The following ANKFY1 variants were observed in gnomAD, a reference collection of about 807,000 sequenced individuals.
The protein encoded by ANKFY1 is ankyrin repeat and FYVE domain containing 1, also known as ankyrin repeat and FYVE domain-containing protein 1.
Under a neutral mutation model 128.3 loss-of-function variants are expected in ANKFY1, and 47 were observed. The observed-to-expected ratio is 0.37, with a 90% CI of 0.29 to 0.47. The LOEUF (loss-of-function observed/expected upper bound fraction) is 0.47. Ranked by LOEUF, ANKFY1 falls within the 20% of genes least tolerant of loss-of-function variation. ANKFY1 has a pLI of 1.00. For synonymous variants in ANKFY1, 553 were observed against 601.6 expected, an observed-to-expected ratio of 0.92 and a Z score of 1.18; for missense variants, 1,222 against 1,510.6, an observed-to-expected ratio of 0.81 and a Z score of 3.17.
At chr17:4,180,284 C>T (rs547246268) in intron 16 of ANKFY1, 5 of 172,182 alleles carry the variant, frequency 2.9e-5, no homozygotes, top group Middle Eastern at 2.6e-3. Flanking sequence ...AAAAATTAAC[C>T]GGGCGTGGTG....
In ANKFY1 at chr17:4,242,040, G is replaced by A. The variant is rs368393580; in HGVS notation, c.203+216C>T. 4.1e-5 allele frequency among the ~76,000 whole-genome samples: 6 copies of A among 146,402 alleles called. No homozygotes were observed. In the East Asian group the frequency reaches 1.2e-3, roughly 30 times the overall value. On this transcript the variant is annotated intron_variant, in intron 2 of 24. Coordinates refer to ENST00000341657, the MANE Select transcript of ANKFY1 (RefSeq NM_001330063.2). ...GGAAGCAGAGGCTGCAATGAGCCGTGATCTCACCACTGCACTCCAGCCTGG... is the reference window on the plus strand; with the variant it reads ...GGAAGCAGAGGCTGCAATGAGCCGTAATCTCACCACTGCACTCCAGCCTGG...
intron 3 of ANKFY1, among the ~76,000 whole-genome samples, chr17:4,233,011 A>G (rs1176258685): frequency 6.6e-6 from 1 of 152,172 alleles, no homozygotes; most frequent in Non-Finnish European, 1.5e-5. Context: ...GAAGAAAAAA[A>G]AAAAAGTAGG....
At chr17:4,258,479 G>A (rs1421443959) in intron 1 of ANKFY1, among the ~76,000 whole-genome samples, 3 of 148,052 alleles carry the variant, frequency 2.0e-5, no homozygotes, top group East Asian at 2.0e-4. Context: ...AGCCGAGATC[G>A]CACCACTGCA....
chr17:4,252,910 A>G (rs1402468354), intron 1 of ANKFY1, among the ~76,000 whole-genome samples: 1 of 152,192 alleles, frequency 6.6e-6, no homozygotes, highest in African/African-American at 2.4e-5. Context: ...CTCAAAAGCA[A>G]TATGCTACGT....
chr17:4,181,323 C>T lies in ANKFY1; in HGVS notation c.2171G>A (p.Cys724Tyr), dbSNP rs1381130671. 1 of 1,614,206 alleles carries T rather than the reference C, an allele frequency of 6.2e-7. No homozygotes were observed. The highest frequency in any genetic ancestry group is 2.2e-5 in the East Asian group (1 of 44,888). Residue 724 changes from cysteine (C) to tyrosine (Y), a missense_variant, in exon 16 of 25, where the codon TGC (cysteine) becomes TAC (tyrosine). Physicochemically the swap from Cys to Tyr is radical, Grantham distance 194. Transcript: ENST00000341657. The surrounding 1 kb of genome is among the most constrained non-coding windows in gnomAD (Gnocchi z 4.9). ...GGCTCTGTGCAGGAGCGTCTGAAGG[C>T]ACCCACCAGGTCCCGGACCCCAGCA... ...ATCWGPGPGG[C>Y]LQTLLHRAID...
Position 4,169,276 on chromosome 17 carries a change from T to G in ANKFY1, c.3299A>C (p.Lys1100Thr). 1 of 1,550,076 alleles carries G rather than the reference T, an allele frequency of 6.5e-7. No homozygotes were observed. Among genetic ancestry groups the G allele is most frequent in the Non-Finnish European group, 8.7e-7 (1 of 1,146,648 alleles). ...LLFRLLDMLS[K>T]EPPWCDGSYC... is the part of the protein sequence containing the mutation. ...GGAGCCGTCACACCACGGAGGCTCC[T>G]TGGACAGCATATCTGCAACACAGGG... is the stretch of plus-strand genomic sequence containing the variant. Residue 1100 changes from lysine (K) to threonine (T), a missense_variant, in exon 24 of 25, where the codon AAG becomes ACG. Lys to Thr is a moderately conservative substitution (Grantham distance 78). Transcript: ENST00000341657. This position sits in a 1 kb window ranked among gnomAD's most constrained non-coding sequence, Gnocchi z 5.0.
At chr17:4,230,281 A>G (rs1006890135) in intron 3 of ANKFY1, among the ~76,000 whole-genome samples, 4 of 152,156 alleles carry the variant, frequency 2.6e-5, no homozygotes, top group Non-Finnish European at 4.4e-5. Flanking sequence ...TGCTGTTTGG[A>G]ATGGCTTGAC....
chr17:4,246,237 G>T (rs1325151072), intron 1 of ANKFY1, among the ~76,000 whole-genome samples: 1 of 152,144 alleles, frequency 6.6e-6, no homozygotes, highest in East Asian at 1.9e-4. Context: ...TACTTCAAAA[G>T]ATTTAAATAA....
At chr17:4,225,775 T>G (rs1366668708) in intron 3 of ANKFY1, among the ~76,000 whole-genome samples, 3 of 152,196 alleles carry the variant, frequency 2.0e-5, no homozygotes, top group Non-Finnish European at 2.9e-5. Flanking sequence ...TTATATAATT[T>G]TTTTTTGAGA....
intron 19 of ANKFY1, 25 bp from the exon 20 acceptor site, chr17:4,174,081 G>A: frequency 6.2e-7 from 1 of 1,610,502 alleles, no homozygotes; most frequent in Non-Finnish European, 8.5e-7. Flanking sequence ...TACATGAACA[G>A]TCAGTCTCTC....
At chr17:4,258,393 C>T (rs1015320703) in intron 1 of ANKFY1, among the ~76,000 whole-genome samples, 1 of 151,948 alleles carries the variant, frequency 6.6e-6, no homozygotes, top group African/African-American at 2.4e-5. Context: ...GGCTTGGTGG[C>T]GGGCGCCTGT....
intron 3 of ANKFY1, among the ~76,000 whole-genome samples, chr17:4,225,237 A>G (rs1437763078): frequency 6.6e-6 from 1 of 151,986 alleles, no homozygotes; most frequent in Non-Finnish European, 1.5e-5. Flanking sequence ...CATGCCTGTA[A>G]TCCCAGCTAC....
chr17:4,199,013 T>A (rs972616248), intron 7 of ANKFY1, among the ~76,000 whole-genome samples: 4 of 151,818 alleles, frequency 2.6e-5, no homozygotes, highest in African/African-American at 4.8e-5. Context: ...AAAAAAAACT[T>A]AGCAAGGAGC....
chr17:4,185,574 C>T (rs1312068196), intron 11 of ANKFY1, among the ~76,000 whole-genome samples: 1 of 152,040 alleles, frequency 6.6e-6, no homozygotes, highest in East Asian at 1.9e-4. Flanking sequence ...ACAAGCAGTC[C>T]TCTTGCCTCA....
intron 3 of ANKFY1, among the ~76,000 whole-genome samples, chr17:4,234,226 C>T (rs943878636): frequency 6.6e-6 from 1 of 152,212 alleles, no homozygotes; most frequent in Non-Finnish European, 1.5e-5. Flanking sequence ...GCTCCCACAA[C>T]AAAACCACGT....
intron 3 of ANKFY1, among the ~76,000 whole-genome samples, chr17:4,227,208 T>C (rs1421059123): frequency 1.3e-5 from 2 of 152,072 alleles, no homozygotes; most frequent in African/African-American, 4.8e-5. Flanking sequence ...CAATGAAGGA[T>C]CATATAAGGC....
intron 2 of ANKFY1, among the ~76,000 whole-genome samples, chr17:4,238,096 A>C (rs1485914272): frequency 6.7e-6 from 1 of 148,544 alleles, no homozygotes; most frequent in Non-Finnish European, 1.5e-5. Flanking sequence ...GGAGGCCAGG[A>C]CTAGGAGTTT....
intron 8 of ANKFY1, among the ~76,000 whole-genome samples, chr17:4,196,824 T>C (rs1422431896): frequency 6.6e-6 from 1 of 152,204 alleles, no homozygotes; most frequent in African/African-American, 2.4e-5. Context: ...AAACATGAGA[T>C]ACAAATTGCT....
chr17:4,206,278 A>C (rs775200540), intron 7 of ANKFY1, 43 bp downstream of exon 7: 2 of 1,593,168 alleles, frequency 1.3e-6, no homozygotes, highest in Non-Finnish European at 1.7e-6. Context: ...TACTCGGATA[A>C]AAATAAAATT....
Sources: allele counts gnomAD v4.1 joint callset (sites outside exome capture counted in the v4.1 genomes callset), GRCh38; gene constraint gnomAD v4.1.1; non-coding constraint Gnocchi (gnomAD v3.1); transcripts MANE v1.5; gene names NCBI Gene and HGNC (gene_info 2026-07-23, HGNC 2026-07-21).